The following AP1S1 variants were observed in gnomAD, a reference collection of about 807,000 sequenced individuals.
AP1S1 encodes adaptor related protein complex 1 subunit sigma 1, also known as AP-1 complex subunit sigma-1A.
A neutral mutation model predicts 23.9 loss-of-function variants in AP1S1; 13 were observed. The observed-to-expected ratio is 0.54, with a 90% CI of 0.35 to 0.86. The LOEUF (loss-of-function observed/expected upper bound fraction) is 0.86, where lower values mean the gene tolerates loss of function less well. Among genes scored for constraint, AP1S1 ranks in the 40% least tolerant of loss-of-function variants. AP1S1 has a pLI of 0.01. For synonymous variants in AP1S1, 84 were observed against 77.7 expected (o/e 1.08, Z -0.43); for missense variants, 119 against 197.6 (o/e 0.60, Z 2.38).
intron 4 of AP1S1, among the ~76,000 whole-genome samples, chr7:101,159,754 A>G (rs1042575671): frequency 2.0e-5 from 3 of 151,042 alleles, no homozygotes; most frequent in Non-Finnish European, 4.4e-5. Flanking sequence ...CCCTCACCCC[A>G]TTACTGCCTG....
rs1164933944 is a variant in AP1S1 at position 101,159,202 on chromosome 7, G to T, written c.429+6G>T. 6.2e-7 allele frequency: 1 copy of T among 1,607,844 alleles called. No homozygotes were observed. Among genetic ancestry groups the T allele is most frequent in the South Asian group, 1.1e-5 (1 of 90,130 alleles). ...AGGCTGACCTACTGCAAGAGGTACGGGCCAGGGACAGTGAGGAGGAGGAGG... is the reference window on the plus strand; with the variant it reads ...AGGCTGACCTACTGCAAGAGGTACGTGCCAGGGACAGTGAGGAGGAGGAGG... On this transcript the variant is annotated splice_donor_region_variant and intron_variant, in intron 4 of 4. Coordinates refer to ENST00000337619, the MANE Select transcript of AP1S1 (RefSeq NM_001283.5).
Position 101,160,402 on chromosome 7 carries a change from C to T in AP1S1, c.430-117C>T, listed in dbSNP as rs1474845801. On this transcript the variant is annotated intron_variant, in intron 4 of 4. Coordinates refer to ENST00000337619, the MANE Select transcript of AP1S1 (RefSeq NM_001283.5). ...GCCTTGGGCTCACATTGGCTTCTCT[C>T]CCCCTCCCCCGTGTCTGTGCCTCCC... The T allele has an allele frequency of 4.0e-6, 5 of 1,259,964 alleles. No homozygotes were observed. In the Middle Eastern group the frequency reaches 5.5e-4, roughly 139 times the overall value. The allele number at this position is 1,259,964 out of a possible 1,614,324, so 78.0% of individuals were successfully genotyped here.
chr7:101,159,232 GCA>G, intron 4 of AP1S1, 36 bp downstream of exon 4: 1 of 1,581,404 alleles, frequency 6.3e-7, no homozygotes. Flanking sequence ...AGGAGGAAGC[GCA>G]CAGTGGCGGA....
In AP1S1 at chr7:101,156,707, C is replaced by A. The variant is rs148305541; in HGVS notation, c.117C>A (p.Val39=). 6.2e-6 allele frequency: 10 copies of A among 1,606,892 alleles called. No individual in the cohort carries two copies. Among genetic ancestry groups the A allele is most frequent in the Non-Finnish European group, 7.6e-6 (9 of 1,176,588 alleles). ...TGGTGCGCGAGCTCATGCAGGTTGT[C>A]CTGGCTCGAAAGCCCAAGATGTGCA... ...KKMVRELMQV[V]LARKPKMCSF... The change falls in exon 2 of 5, where the codon GTC becomes GTA. Residue 39 remains valine, a synonymous_variant. Coordinates refer to ENST00000337619, the MANE Select transcript of AP1S1 (RefSeq NM_001283.5).
intron 4 of AP1S1, among the ~76,000 whole-genome samples, chr7:101,159,788 C>T (rs947036972): frequency 2.6e-5 from 4 of 151,896 alleles, no homozygotes; most frequent in African/African-American, 7.2e-5. Flanking sequence ...GTGCCATCAC[C>T]GAGCCCTGGT....
chr7:101,161,265 A>C lies in AP1S1; in HGVS notation c.*699A>C. 6.0e-6 allele frequency: 1 copy of C among 167,526 alleles called. No individual in the cohort carries two copies. Among genetic ancestry groups the C allele is most frequent in the South Asian group, 1.5e-4 (1 of 6,746 alleles). 10.4% of individuals were successfully genotyped at this position (167,526 alleles called of 1,614,324 possible). A position where few individuals can be genotyped will look rare whatever the true frequency, so the allele number is the denominator to read the frequency against. ...TCCTTTCTTCTGAAATAAAAGTAAA[A>C]GCATTTCTGGACTTTGCTGGCCTTG... On this transcript the variant is annotated 3_prime_UTR_variant, in exon 5 of 5. Coordinates refer to ENST00000337619, the MANE Select transcript of AP1S1 (RefSeq NM_001283.5).
rs753510381 is a variant in AP1S1 at position 101,159,214 on chromosome 7, TGAG to T, written c.429+30_429+32del. The T allele has an allele frequency of 3.2e-5, 51 of 1,599,988 alleles. No homozygotes were observed. The highest frequency in any genetic ancestry group is 1.6e-4 in the Admixed American group (9 of 57,204). Reference sequence around the variant, plus strand: ...TGCAAGAGGTACGGGCCAGGGACAGTGAGGAGGAGGAGGAAGCGCACAGTGGCG... The same window carrying T: ...TGCAAGAGGTACGGGCCAGGGACAGTGAGGAGGAGGAAGCGCACAGTGGCG... On this transcript the variant is annotated intron_variant, in intron 4 of 4. Transcript: ENST00000337619.
intron 4 of AP1S1, chr7:101,159,659 C>G (rs938258112): frequency 6.4e-6 from 1 of 156,532 alleles, no homozygotes; most frequent in Admixed American, 6.6e-5. Context: ...AAAGCCTCTG[C>G]GTCTCAGGAG....
Position 101,159,170 on chromosome 7 carries a change from A to G in AP1S1, c.403A>G (p.Ile135Val). ...DTSKKSVLKA[I>V]EQADLLQEED... ...CTCCAAGAAGAGTGTGCTGAAAGCC[A>G]TCGAGCAGGCTGACCTACTGCAAGA... Residue 135 changes from isoleucine (I) to valine (V), a missense_variant, in exon 4 of 5, where the codon ATC (isoleucine) becomes GTC (valine). Coordinates refer to ENST00000337619, the MANE Select transcript of AP1S1 (RefSeq NM_001283.5). 3 of 1,613,304 alleles carry G rather than the reference A, an allele frequency of 1.9e-6. No individual in the cohort carries two copies. Among genetic ancestry groups the G allele is most frequent in the Non-Finnish European group, 2.5e-6 (3 of 1,179,652 alleles).
At position 101,160,644 on chromosome 7, in the gene AP1S1, TG is replaced by T. The variant is rs1264378903; in HGVS notation, c.*79del. ...GCTGCTTCTCCTCTGCCCAGGGCCC[TG>T]TTCTTGGTGGGACTCGGCTGCCCCT... On this transcript the variant is annotated 3_prime_UTR_variant, in exon 5 of 5. Coordinates refer to ENST00000337619, the MANE Select transcript of AP1S1 (RefSeq NM_001283.5). The T allele has an allele frequency of 1.9e-6, 3 of 1,538,744 alleles. No homozygotes were observed. The highest frequency in any genetic ancestry group is 2.7e-6 in the Non-Finnish European group (3 of 1,124,848).
intron 1 of AP1S1, among the ~76,000 whole-genome samples, chr7:101,155,185 G>A (rs1796974454): frequency 6.6e-6 from 1 of 151,554 alleles, no homozygotes. Flanking sequence ...AGCGCCGCAC[G>A]AGGCTCCCCA....
chr7:101,158,954 G>A, intron 3 of AP1S1, 105 bp from the exon 4 acceptor site: 1 of 1,435,376 alleles, frequency 7.0e-7, no homozygotes, highest in Middle Eastern at 2.0e-4. Context: ...AATGACTAAG[G>A]CTTGGAGGTT....
Position 101,161,065 on chromosome 7 carries a change from G to C in AP1S1, c.*499G>C, listed in dbSNP as rs1797098235. 3.0e-6 allele frequency: 1 copy of C among 332,386 alleles called. No individual in the cohort carries two copies. The highest frequency in any genetic ancestry group is 2.2e-5 in the African/African-American group (1 of 45,898). 20.6% of individuals were successfully genotyped at this position (332,386 alleles called of 1,614,324 possible). ...CAGTGGGGCCTTTATCCAGTGCCAGGGAGGAACAACATAGTTAATTTTTTT... is the reference window on the plus strand; with the variant it reads ...CAGTGGGGCCTTTATCCAGTGCCAGCGAGGAACAACATAGTTAATTTTTTT... On this transcript the variant is annotated 3_prime_UTR_variant, in exon 5 of 5. Coordinates refer to ENST00000337619, the MANE Select transcript of AP1S1 (RefSeq NM_001283.5).
At position 101,156,851 on chromosome 7, in the gene AP1S1, G is replaced by T. The variant is rs917349173; in HGVS notation, c.182+79G>T. 5 of 1,283,352 alleles carry T rather than the reference G, an allele frequency of 3.9e-6. No homozygotes were observed. In the African/African-American group the frequency reaches 6.1e-5, roughly 16 times the overall value. 79.5% of individuals were successfully genotyped at this position (1,283,352 alleles called of 1,614,324 possible). On this transcript the variant is annotated intron_variant, in intron 2 of 4. Transcript: ENST00000337619. ...AAAATGTCTGAGAAATGGTCGTCCT[G>T]TAGGTCAGGGAGACCTGGGAGCTGA...
At chr7:101,159,299 G>GC (rs1011310926) in intron 4 of AP1S1, 103 bp downstream of exon 4, 43 of 1,488,412 alleles carry the variant, frequency 2.9e-5, no homozygotes, top group African/African-American at 4.2e-5. Flanking sequence ...TCGCCAAGGA[G>GC]CCCCCCCTCC....
Position 101,160,788 on chromosome 7 carries a change from G to C in AP1S1, c.*222G>C, listed in dbSNP as rs541518237. The C allele has an allele frequency of 1.8e-4, 127 of 713,982 alleles. No homozygotes were observed. The highest frequency in any genetic ancestry group is 2.7e-4 in the Non-Finnish European group (108 of 396,052). 44.2% of individuals were successfully genotyped at this position (713,982 alleles called of 1,614,324 possible). A position where few individuals can be genotyped will look rare whatever the true frequency, so the allele number is the denominator to read the frequency against. On this transcript the variant is annotated 3_prime_UTR_variant, in exon 5 of 5. Transcript: ENST00000337619. ...CACTGAAGGTTTTAGAAGCTAGGAG[G>C]CAGGAAAATGTGACCCAGATGGGGG...
intron 1 of AP1S1, chr7:101,156,302 A>G (rs1352659280): frequency 3.5e-6 from 1 of 285,540 alleles, no homozygotes; most frequent in Non-Finnish European, 6.6e-6. Flanking sequence ...ATATCAAATC[A>G]TTTAGTCTCA....
chr7:101,155,161 C>T (rs1043288022), intron 1 of AP1S1: 1 of 445,730 alleles, frequency 2.2e-6, no homozygotes, highest in African/African-American at 2.1e-5. Context: ...GCTTGCTCCC[C>T]ACCCCCCTAT....
At chr7:101,157,886 A>C (rs1797019542) in intron 3 of AP1S1, among the ~76,000 whole-genome samples, 1 of 152,212 alleles carries the variant, frequency 6.6e-6, no homozygotes, top group Admixed American at 6.5e-5. Context: ...TCTGGGCTCA[A>C]GCCATCCTCC....
Sources: gnomAD v4.1 joint callset for allele counts (sites outside exome capture counted in the v4.1 genomes callset) on GRCh38, gnomAD v4.1.1 for gene constraint, MANE v1.5 for transcripts, NCBI Gene and HGNC (gene_info 2026-07-23, HGNC 2026-07-21) for gene names.